The following CXCL13 variants were observed in gnomAD, a reference collection of about 807,000 sequenced individuals.
The protein encoded by CXCL13 is C-X-C motif chemokine ligand 13.
A neutral mutation model predicts 12.2 loss-of-function variants in CXCL13; 7 were observed. That is an observed-to-expected ratio of 0.57 (90% CI 0.33 to 1.07). The LOEUF is 1.07. Among genes scored for constraint, CXCL13 ranks in the 50% least tolerant of loss-of-function variants. The probability of loss-of-function intolerance (pLI) is 0.04; values close to 1 mark genes in which losing one functional copy is unlikely to be tolerated. For synonymous variants in CXCL13, 47 were observed against 42.4 expected (o/e 1.11, Z -0.42); for missense variants, 113 against 127.4 (o/e 0.89, Z 0.55).
intron 1 of CXCL13, among the ~76,000 whole-genome samples, chr4:77,520,524 A>G (rs1057514217): frequency 2.6e-5 from 4 of 152,122 alleles, no homozygotes; most frequent in African/African-American, 7.2e-5. Context: ...TTTGTCTGCT[A>G]TTGGTGTATA....
chr4:77,523,225 G>T (rs767619377), intron 1 of CXCL13, among the ~76,000 whole-genome samples: 33 of 152,070 alleles, frequency 2.2e-4, no homozygotes, highest in Non-Finnish European at 3.5e-4. Flanking sequence ...TTGTGGTGTT[G>T]TCTGTATTTC....
intron 1 of CXCL13, among the ~76,000 whole-genome samples, chr4:77,519,351 T>G (rs1724516200): frequency 6.6e-6 from 1 of 152,212 alleles, no homozygotes; most frequent in Non-Finnish European, 1.5e-5. Flanking sequence ...ATCACCCGTC[T>G]TCTGCGTCAC....
intron 1 of CXCL13, among the ~76,000 whole-genome samples, chr4:77,539,535 C>T (rs1401310249): frequency 6.6e-6 from 1 of 152,182 alleles, no homozygotes; most frequent in Non-Finnish European, 1.5e-5. Context: ...ATGGCAGTGG[C>T]CTGCTAGCAC....
intron 1 of CXCL13, among the ~76,000 whole-genome samples, chr4:77,590,116 G>A (rs899837845): frequency 5.9e-5 from 9 of 152,164 alleles, no homozygotes; most frequent in Admixed American, 4.6e-4. Flanking sequence ...AGTCAGAGAC[G>A]TTTGTACTGC....
Position 77,523,564 on chromosome 4 carries a change from G to A in CXCL13, c.-43+11776G>A, listed in dbSNP as rs576931638. Among the ~76,000 whole-genome samples the A allele has an allele frequency of 6.6e-5, 10 of 152,218 alleles. No individual in the cohort carries two copies. The East Asian group carries it at 1.7e-3, about 26-fold the overall frequency. On this transcript the variant is annotated intron_variant, in intron 1 of 4. Coordinates refer to the CXCL13 transcript ENST00000286758. ...GTGCCATGGTTTTCAGCTCCATCAG[G>A]TCATTTAATGTCTTCTCTACACTGT...
chr4:77,521,844 A>G (rs930697932), intron 1 of CXCL13, among the ~76,000 whole-genome samples: 23 of 152,110 alleles, frequency 1.5e-4, no homozygotes, highest in African/African-American at 5.1e-4. Flanking sequence ...TCTTGTGGGC[A>G]TTTAGTGCTA....
At chr4:77,524,766 T>A (rs147764960) in intron 1 of CXCL13, among the ~76,000 whole-genome samples, 1 of 152,120 alleles carries the variant, frequency 6.6e-6, no homozygotes, top group Non-Finnish European at 1.5e-5. Flanking sequence ...ACCAGGTACC[T>A]CAGTTGGAAA....
intron 1 of CXCL13, among the ~76,000 whole-genome samples, chr4:77,570,516 C>T (rs931074482): frequency 6.6e-6 from 1 of 152,202 alleles, no homozygotes; most frequent in Non-Finnish European, 1.5e-5. Context: ...GTCCTCAGAG[C>T]CCTCACTTGC....
intron 1 of CXCL13, among the ~76,000 whole-genome samples, chr4:77,537,535 C>T (rs1185814569): frequency 6.6e-6 from 1 of 152,192 alleles, no homozygotes; most frequent in Non-Finnish European, 1.5e-5. Flanking sequence ...TAGTGAGGAG[C>T]ATGCTTCAGT....
At chr4:77,539,812 G>A (rs566180158) in intron 1 of CXCL13, among the ~76,000 whole-genome samples, 1 of 152,234 alleles carries the variant, frequency 6.6e-6, no homozygotes, top group African/African-American at 2.4e-5. Flanking sequence ...GTTAACAACC[G>A]CCTTACCATC....
At chr4:77,533,716 C>T (rs180710785) in intron 1 of CXCL13, among the ~76,000 whole-genome samples, 1 of 152,282 alleles carries the variant, frequency 6.6e-6, no homozygotes, top group African/African-American at 2.4e-5. Flanking sequence ...TGTTTACCTA[C>T]TCAAGCCTCA....
intron 1 of CXCL13, among the ~76,000 whole-genome samples, chr4:77,559,195 A>G (rs965147120): frequency 6.6e-6 from 1 of 152,236 alleles, no homozygotes; most frequent in Non-Finnish European, 1.5e-5. Flanking sequence ...GATAAAGACT[A>G]TCATATAGAA....
intron 1 of CXCL13, among the ~76,000 whole-genome samples, chr4:77,552,656 C>T (rs1026879288): frequency 2.0e-4 from 30 of 152,230 alleles, no homozygotes; most frequent in Admixed American, 5.2e-4. Flanking sequence ...CAAGCACCAG[C>T]ACTGAGGGGA....
At chr4:77,602,744 G>T (rs182002726), upstream of CXCL13, among the ~76,000 whole-genome samples, 2 of 152,100 alleles carry the variant, frequency 1.3e-5, no homozygotes, top group South Asian at 2.1e-4. Context: ...CTAAACAAGG[G>T]TATCTATAAA....
intron 1 of CXCL13, among the ~76,000 whole-genome samples, chr4:77,570,047 G>A (rs965625004): frequency 6.6e-6 from 1 of 152,278 alleles, no homozygotes; most frequent in Middle Eastern, 3.4e-3. Flanking sequence ...TTCAATAAAT[G>A]GTACTGGGAT....
intron 1 of CXCL13, among the ~76,000 whole-genome samples, chr4:77,520,610 T>A (rs1049589797): frequency 4.6e-5 from 7 of 152,198 alleles, no homozygotes; most frequent in Admixed American, 3.3e-4. Flanking sequence ...TTAAGGAGAT[T>A]TTGGGCTGAG....
intron 1 of CXCL13, among the ~76,000 whole-genome samples, chr4:77,561,907 C>A (rs546195302): frequency 6.6e-6 from 1 of 152,270 alleles, no homozygotes; most frequent in Admixed American, 6.5e-5. Context: ...CAGGTGGGAA[C>A]CTGGGCTGCG....
intron 1 of CXCL13, among the ~76,000 whole-genome samples, chr4:77,556,619 A>G (rs1292274595): frequency 1.7e-4 from 26 of 152,228 alleles, no homozygotes; most frequent in Admixed American, 1.7e-3. Flanking sequence ...ATTGATTTAT[A>G]TATCATTGTG....
At chr4:77,606,485 A>C (rs998726012) in intron 1 of CXCL13, among the ~76,000 whole-genome samples, 1 of 152,228 alleles carries the variant, frequency 6.6e-6, no homozygotes, top group Non-Finnish European at 1.5e-5. Context: ...TGAAGTAGTA[A>C]GTTTTTATGT....
Sources: allele counts gnomAD v4.1 joint callset (sites outside exome capture counted in the v4.1 genomes callset), GRCh38; gene constraint gnomAD v4.1.1; transcripts MANE v1.5; gene names NCBI Gene and HGNC (gene_info 2026-07-23, HGNC 2026-07-21).